Variants in ERBB4 observed in about 807,000 individuals in gnomAD.
The protein encoded by ERBB4 is receptor tyrosine-protein kinase erbB-4.
Under a neutral mutation model 158.0 loss-of-function variants are expected in ERBB4, and 42 were observed. The observed-to-expected ratio is 0.27, with a 90% CI of 0.21 to 0.34. The LOEUF (loss-of-function observed/expected upper bound fraction) is 0.34, where lower values mean the gene tolerates loss of function less well. ERBB4 is among the 10% of genes least tolerant of loss of function. The pLI is 1.00. For missense variants in ERBB4, 1,333 were observed against 1,624.1 expected, an observed-to-expected ratio of 0.82 and a Z score of 3.08; for synonymous variants, 583 against 558.7, an observed-to-expected ratio of 1.04 and a Z score of -0.61.
intron 20 of ERBB4, among the ~76,000 whole-genome samples, chr2:211,544,850 C>T (rs1486689920): frequency 6.6e-6 from 1 of 151,986 alleles, no homozygotes; most frequent in Non-Finnish European, 1.5e-5. Flanking sequence ...ATTAAAAAGA[C>T]ACAAGGGTCA....
At chr2:211,751,395 A>G (rs1336709320) in intron 4 of ERBB4, among the ~76,000 whole-genome samples, 2 of 152,174 alleles carry the variant, frequency 1.3e-5, no homozygotes, top group African/African-American at 4.8e-5. Flanking sequence ...AAAGAATATT[A>G]GCTGGAAGAA....
At chr2:211,433,586 T>A (rs13384614) in intron 20 of ERBB4, among the ~76,000 whole-genome samples, 19,100 of 148,106 alleles carry the variant, frequency 0.13, 1,636 homozygotes, top group African/African-American at 0.25. Context: ...CAAAAAAAAA[T>A]AAAATAAAAT....
chr2:212,269,665 G>A (rs2085273332), intron 1 of ERBB4, among the ~76,000 whole-genome samples: 2 of 151,800 alleles, frequency 1.3e-5, no homozygotes, highest in Non-Finnish European at 2.9e-5. Context: ...TGTCTAAAGT[G>A]TTGATATAAT....
At chr2:211,965,395 A>C (rs1017471273) in intron 2 of ERBB4, among the ~76,000 whole-genome samples, 1 of 152,198 alleles carries the variant, frequency 6.6e-6, no homozygotes, top group East Asian at 1.9e-4. Flanking sequence ...TTCATTTTTT[A>C]AATTATCATA....
chr2:212,233,821 A>T (rs1357138), intron 1 of ERBB4, among the ~76,000 whole-genome samples: 61,302 of 151,690 alleles, frequency 0.4, 13,905 homozygotes, highest in East Asian at 0.76. Flanking sequence ...GTCTACTTAC[A>T]CTTTTGTGCA....
At chr2:212,463,999 C>T (rs1688705860) in intron 1 of ERBB4, among the ~76,000 whole-genome samples, 1 of 152,098 alleles carries the variant, frequency 6.6e-6, no homozygotes, top group African/African-American at 2.4e-5. Context: ...ACAATATCAG[C>T]AGTCAACACC....
intron 3 of ERBB4, among the ~76,000 whole-genome samples, chr2:211,866,802 A>G (rs1191597868): frequency 6.6e-6 from 1 of 152,136 alleles, no homozygotes; most frequent in Admixed American, 6.5e-5. Flanking sequence ...CAATAGAGCT[A>G]TGATTACAAA....
chr2:211,577,142 T>G (rs1193456629), intron 19 of ERBB4, among the ~76,000 whole-genome samples: 1 of 152,190 alleles, frequency 6.6e-6, no homozygotes, highest in Non-Finnish European at 1.5e-5. Flanking sequence ...ATAACAGTTG[T>G]CCAATATAAT....
rs148692076 is a variant in ERBB4, at chr2:212,198,927, T to C, written c.83-74024A>G. ...CTTCATCTGTTGATGTTTATTGGGA[T>C]TGTTTCCAGCTTTTGACTATTATGA... On this transcript the variant is annotated intron_variant, in intron 1 of 27. Transcript: ENST00000342788. Among the ~76,000 whole-genome samples the C allele has an allele frequency of 8.5e-5, 13 of 152,186 alleles. No individual in the cohort carries two copies. The East Asian group carries it at 2.5e-3, about 29-fold the overall frequency.
At chr2:211,979,505 A>G (rs570060015) in intron 2 of ERBB4, among the ~76,000 whole-genome samples, 1 of 152,286 alleles carries the variant, frequency 6.6e-6, no homozygotes, top group South Asian at 2.1e-4. Flanking sequence ...TGACAAAATT[A>G]TGCTTCTGGT....
chr2:212,028,427 CT>C (rs2076823987), intron 2 of ERBB4, among the ~76,000 whole-genome samples: 1 of 152,104 alleles, frequency 6.6e-6, no homozygotes, highest in Non-Finnish European at 1.5e-5. Flanking sequence ...TCCTTCTATA[CT>C]TTGTGAAAAG....
chr2:211,642,827 T>C (rs2105857589), intron 16 of ERBB4, among the ~76,000 whole-genome samples: 1 of 152,232 alleles, frequency 6.6e-6, no homozygotes, highest in African/African-American at 2.4e-5. Context: ...CCCTATATGT[T>C]TTTAAACTTA....
At chr2:211,912,782 T>C (rs1312100399) in intron 3 of ERBB4, among the ~76,000 whole-genome samples, 1 of 152,226 alleles carries the variant, frequency 6.6e-6, no homozygotes, top group Non-Finnish European at 1.5e-5. Context: ...GACTTCTCTT[T>C]CTAGGCATTT....
intron 1 of ERBB4, among the ~76,000 whole-genome samples, chr2:212,291,784 A>G (rs948701374): frequency 3.9e-5 from 6 of 152,046 alleles, no homozygotes; most frequent in African/African-American, 1.4e-4. Flanking sequence ...AATTTAACAG[A>G]CTATATAGCA....
At chr2:212,031,368 T>C (rs995702193) in intron 2 of ERBB4, among the ~76,000 whole-genome samples, 2 of 152,166 alleles carry the variant, frequency 1.3e-5, no homozygotes, top group African/African-American at 4.8e-5. Flanking sequence ...AGTGAGGCTT[T>C]AAAACATAAC....
At chr2:211,784,981 G>T (rs1307264674) in intron 4 of ERBB4, among the ~76,000 whole-genome samples, 1 of 151,764 alleles carries the variant, frequency 6.6e-6, no homozygotes, top group Non-Finnish European at 1.5e-5. Context: ...TGAGTTGCAG[G>T]TTCTACATAT....
intron 2 of ERBB4, among the ~76,000 whole-genome samples, chr2:212,012,697 G>A (rs991685232): frequency 2.0e-5 from 3 of 152,242 alleles, no homozygotes; most frequent in Non-Finnish European, 2.9e-5. Flanking sequence ...ACAGGCGTGA[G>A]CCACCATGCC....
intron 2 of ERBB4, among the ~76,000 whole-genome samples, chr2:212,003,144 GGAAGGAAAGAAAGAAAGAAAGAAA>G (rs2076152787): frequency 1.6e-4 from 2 of 12,588 alleles, no homozygotes; most frequent in Admixed American, 2.9e-3. Flanking sequence ...AAGGAAGGAA[GGAAGGAAAGAAAGAAAGAAAGAAA>G]GAAAGAAAGA....
At chr2:211,614,064 T>C (rs2069295599) in intron 19 of ERBB4, among the ~76,000 whole-genome samples, 3 of 151,956 alleles carry the variant, frequency 2.0e-5, no homozygotes, top group African/African-American at 7.2e-5. Flanking sequence ...ATGGTACAAA[T>C]ACACAGTGGA....
Sources: allele counts gnomAD v4.1 joint callset (sites outside exome capture counted in the v4.1 genomes callset), GRCh38; gene constraint gnomAD v4.1.1; transcripts MANE v1.5; gene names NCBI Gene and HGNC (gene_info 2026-07-23, HGNC 2026-07-21).